TNIK: variants seen among roughly 807,000 people sequenced by gnomAD.
The protein encoded by TNIK is TRAF2 and NCK interacting kinase, also known as TRAF2 and NCK-interacting protein kinase.
In TNIK, 49 loss-of-function variants were observed where a neutral mutation model predicts 191.3. The ratio of observed to expected loss-of-function variants is 0.26; its 90% CI spans 0.20 to 0.32. The LOEUF is 0.32. TNIK is among the 10% of genes least tolerant of loss of function. The pLI is 1.00. For synonymous variants in TNIK, 594 were observed against 600.9 expected (o/e 0.99, Z 0.17); for missense variants, 1,155 against 1,702.3 (o/e 0.68, Z 5.66).
chr3:171,128,667 C>A (rs771764829), intron 16 of TNIK, 47 bp downstream of exon 16: 8 of 1,561,170 alleles, frequency 5.1e-6, no homozygotes, highest in Non-Finnish European at 6.9e-6. Flanking sequence ...AATAGGTTTT[C>A]TTGTGCAACT....
chr3:171,452,636 G>A (rs1335390901), intron 1 of TNIK, among the ~76,000 whole-genome samples: 1 of 151,592 alleles, frequency 6.6e-6, no homozygotes, highest in African/African-American at 2.4e-5. Context: ...GGCCACCCCA[G>A]AAGCACACCC....
At position 171,101,624 on chromosome 3, in the gene TNIK, C is replaced by T. The variant is rs1277841864; in HGVS notation, c.2416G>A (p.Ala806Thr). The T allele has an allele frequency of 3.7e-6, 6 of 1,612,430 alleles. No homozygotes were observed. In the Admixed American group the frequency reaches 6.7e-5, roughly 18 times the overall value. Reference protein sequence around the residue: ...YKKAIDEDLTALAKELRELRI... With the variant: ...YKKAIDEDLTTLAKELRELRI... ...AGTTCTCTTAGTTCTTTGGCTAATGCCGTCAGATCCTATGAAAGAAAAATT... is the reference window on the plus strand; with the variant it reads ...AGTTCTCTTAGTTCTTTGGCTAATGTCGTCAGATCCTATGAAAGAAAAATT... Residue 806 changes from alanine (A) to threonine (T), a missense_variant, in exon 22 of 33, where the codon GCA becomes ACA. Around this residue, in one of 3 missense-constraint regions of TNIK, gnomAD observed 735 missense variants for 848.0 expected, o/e 0.87. Transcript: ENST00000436636.
chr3:171,232,313 C>T (rs1159767329), intron 2 of TNIK, among the ~76,000 whole-genome samples: 5 of 149,704 alleles, frequency 3.3e-5, no homozygotes, highest in Non-Finnish European at 7.4e-5. Context: ...AGCAAGATCC[C>T]ATCTCTAAAA....
chr3:171,265,136 G>A (rs541892585), intron 2 of TNIK, among the ~76,000 whole-genome samples: 1 of 152,264 alleles, frequency 6.6e-6, no homozygotes, highest in South Asian at 2.1e-4. Flanking sequence ...AGTGAACCCG[G>A]GTACTCCCCA....
At chr3:171,267,257 A>G (rs1423979318) in intron 2 of TNIK, among the ~76,000 whole-genome samples, 1 of 152,206 alleles carries the variant, frequency 6.6e-6, no homozygotes, top group African/African-American at 2.4e-5. Context: ...GTTCTCAGAA[A>G]TCCAGCCAAA....
intron 9 of TNIK, among the ~76,000 whole-genome samples, chr3:171,173,268 C>A (rs143876234): frequency 6.7e-6 from 1 of 149,630 alleles, no homozygotes; most frequent in Admixed American, 6.6e-5. Flanking sequence ...TGGTGGCGGG[C>A]GCCTGTAGTC....
chr3:171,319,651 A>T (rs751447280), intron 2 of TNIK, among the ~76,000 whole-genome samples: 4 of 152,218 alleles, frequency 2.6e-5, no homozygotes, highest in Non-Finnish European at 5.9e-5. Flanking sequence ...AAATGGATTT[A>T]TGAGCAGTTG....
intron 15 of TNIK, among the ~76,000 whole-genome samples, chr3:171,136,642 G>A (rs1388543353): frequency 6.6e-6 from 1 of 152,184 alleles, no homozygotes; most frequent in East Asian, 1.9e-4. Context: ...CTTTGTAGAG[G>A]CTAGTTTTTC....
At chr3:171,197,490 T>C (rs1448269702) in intron 4 of TNIK, among the ~76,000 whole-genome samples, 7 of 137,540 alleles carry the variant, frequency 5.1e-5, no homozygotes, top group Non-Finnish European at 1.0e-4. Context: ...GGAAAAGTAT[T>C]TGCAAATCAT....
At chr3:171,426,393 T>C (rs1428357073) in intron 1 of TNIK, among the ~76,000 whole-genome samples, 3 of 107,926 alleles carry the variant, frequency 2.8e-5, no homozygotes, top group Admixed American at 1.4e-4. Context: ...CATCACACAC[T>C]GGGGCCTGTT....
chr3:171,295,959 T>A (rs977881943), intron 2 of TNIK, among the ~76,000 whole-genome samples: 3 of 152,250 alleles, frequency 2.0e-5, no homozygotes, highest in African/African-American at 4.8e-5. Flanking sequence ...GCTCAGGACA[T>A]GTAACTGAAT....
chr3:171,236,617 C>G (rs1171128413), intron 2 of TNIK, among the ~76,000 whole-genome samples: 1 of 152,164 alleles, frequency 6.6e-6, no homozygotes, highest in Non-Finnish European at 1.5e-5. Flanking sequence ...CGAGCTGGTA[C>G]TAACTAGAGG....
At chr3:171,415,973 C>CAAAAAAAAAAA (rs769531813) in intron 1 of TNIK, among the ~76,000 whole-genome samples, 3 of 12,578 alleles carry the variant, frequency 2.4e-4, no homozygotes, top group Non-Finnish European at 3.9e-4. Flanking sequence ...GAGACTGTCT[C>CAAAAAAAAAAA]AAAAAAAAAA....
intron 26 of TNIK, among the ~76,000 whole-genome samples, chr3:171,083,004 T>G (rs990439452): frequency 9.8e-5 from 15 of 152,296 alleles, no homozygotes; most frequent in African/African-American, 3.6e-4. Flanking sequence ...AAGGGACTTC[T>G]CAGGTCTCTA....
At chr3:171,238,293 G>A (rs868381384) in intron 2 of TNIK, among the ~76,000 whole-genome samples, 2 of 151,196 alleles carry the variant, frequency 1.3e-5, no homozygotes, top group Non-Finnish European at 2.9e-5. Context: ...CAACCTGGGG[G>A]ACAGAGTGAG....
In TNIK at chr3:171,087,206, A is replaced by G. The variant is rs1055697190; in HGVS notation, c.2886+136T>C. The G allele has an allele frequency of 4.0e-6, 5 of 1,244,234 alleles. No individual in the cohort carries two copies. In the South Asian group the frequency reaches 7.5e-5, roughly 19 times the overall value. The allele number at this position is 1,244,234 out of a possible 1,614,324, so 77.1% of individuals were successfully genotyped here. On this transcript the variant is annotated intron_variant, in intron 24 of 32. Coordinates refer to ENST00000436636, the MANE Select transcript of TNIK (RefSeq NM_015028.4). Reference sequence around the variant, plus strand: ...ATGATTTCTCTATTTGAGTATCTGCATAAGTAGCTCTATGGTAGAAACCAA... The same window carrying G: ...ATGATTTCTCTATTTGAGTATCTGCGTAAGTAGCTCTATGGTAGAAACCAA...
intron 1 of TNIK, among the ~76,000 whole-genome samples, chr3:171,451,822 C>A (rs1728209255): frequency 6.6e-6 from 1 of 152,182 alleles, no homozygotes; most frequent in South Asian, 2.1e-4. Flanking sequence ...AATATATACA[C>A]AAACAAATAA....
chr3:171,369,751 C>T, intron 1 of TNIK, 66 bp from the exon 2 acceptor site: 3 of 1,295,870 alleles, frequency 2.3e-6, no homozygotes, highest in Non-Finnish European at 3.2e-6. Context: ...TAATCAAAAG[C>T]AAATACTTAT....
At chr3:171,388,304 A>T (rs1210489335) in intron 1 of TNIK, among the ~76,000 whole-genome samples, 1 of 152,216 alleles carries the variant, frequency 6.6e-6, no homozygotes, top group Non-Finnish European at 1.5e-5. Context: ...AAAACATAAC[A>T]ACTTCCCATT....
Sources: gnomAD v4.1 joint callset for allele counts (sites outside exome capture counted in the v4.1 genomes callset) on GRCh38, gnomAD v4.1.1 for gene constraint, gnomAD v4.1.1 regional missense constraint, MANE v1.5 for transcripts, NCBI Gene and HGNC (gene_info 2026-07-23, HGNC 2026-07-21) for gene names.